The following CDH12 variants were observed in gnomAD, a reference collection of about 807,000 sequenced individuals.
The protein encoded by CDH12 is cadherin-12.
CDH12 carries 41 observed loss-of-function variants against 74.1 expected under a neutral mutation model. The ratio of observed to expected loss-of-function variants is 0.55; its 90% CI spans 0.43 to 0.72. CDH12 has a LOEUF of 0.72. Ranked by LOEUF, CDH12 falls within the 30% of genes least tolerant of loss-of-function variation. The pLI is 0.00. For synonymous variants in CDH12, 399 were observed against 355.0 expected (o/e 1.12, Z -1.39); for missense variants, 945 against 977.2 (o/e 0.97, Z 0.44).
chr5:22,202,169 C>CCCTTCCTT (rs1347338743), intron 4 of CDH12, among the ~76,000 whole-genome samples: 4 of 82,100 alleles, frequency 4.9e-5, no homozygotes, highest in African/African-American at 1.7e-4. Context: ...CTTCCTTCCT[C>CCCTTCCTT]CCTTCCTTCC....
intron 6 of CDH12, among the ~76,000 whole-genome samples, chr5:21,908,733 C>T (rs181019642): frequency 1.8e-3 from 279 of 152,242 alleles, no homozygotes; most frequent in African/African-American, 6.5e-3. Context: ...AGTGGGAAGG[C>T]GTGCTCATCT....
At chr5:21,796,643 AT>A (rs1407776073) in intron 10 of CDH12, among the ~76,000 whole-genome samples, 4 of 151,920 alleles carry the variant, frequency 2.6e-5, no homozygotes, top group South Asian at 2.1e-4. Context: ...TAAATAATCT[AT>A]TTTTTTAATT....
At chr5:22,417,495 G>A (rs1261356249) in intron 2 of CDH12, among the ~76,000 whole-genome samples, 5 of 152,114 alleles carry the variant, frequency 3.3e-5, no homozygotes, top group South Asian at 2.1e-4. Context: ...ATGGGATGAC[G>A]TAGCAAGAAG....
intron 1 of CDH12, among the ~76,000 whole-genome samples, chr5:22,571,936 A>G (rs1580776463): frequency 6.6e-6 from 1 of 152,334 alleles, no homozygotes; most frequent in Non-Finnish European, 1.5e-5. Flanking sequence ...AGTATTTAAA[A>G]AGTTTGAAAT....
intron 1 of CDH12, among the ~76,000 whole-genome samples, chr5:22,673,503 C>T (rs1741010955): frequency 6.6e-6 from 1 of 152,044 alleles, no homozygotes; most frequent in Non-Finnish European, 1.5e-5. Flanking sequence ...ATTTTGTATC[C>T]TGGAGCAATC....
chr5:22,528,100 T>C (rs1018583557), intron 1 of CDH12, among the ~76,000 whole-genome samples: 1 of 152,134 alleles, frequency 6.6e-6, no homozygotes, highest in African/African-American at 2.4e-5. Flanking sequence ...TAGGGCCCTG[T>C]ATAGAATTCA....
At chr5:22,378,041 C>A (rs74809890) in intron 3 of CDH12, among the ~76,000 whole-genome samples, 1 of 151,988 alleles carries the variant, frequency 6.6e-6, no homozygotes, top group African/African-American at 2.4e-5. Flanking sequence ...TGAATAATAA[C>A]GTGTTTTTTT....
chr5:22,326,722 G>C (rs564373940), intron 3 of CDH12, among the ~76,000 whole-genome samples: 4 of 152,270 alleles, frequency 2.6e-5, no homozygotes, highest in South Asian at 4.1e-4. Context: ...ATAAAATCCT[G>C]TCAAATTCTG....
At chr5:22,606,684 C>A (rs1580810904) in intron 1 of CDH12, among the ~76,000 whole-genome samples, 1 of 152,238 alleles carries the variant, frequency 6.6e-6, no homozygotes. Context: ...CAGTCTTGGG[C>A]AGTTCTTTAT....
chr5:22,563,515 C>G (rs1452587478), intron 1 of CDH12, among the ~76,000 whole-genome samples: 2 of 152,080 alleles, frequency 1.3e-5, no homozygotes, highest in Non-Finnish European at 2.9e-5. Flanking sequence ...TATTTTCTCC[C>G]ATTCTGTAGG....
In CDH12 at chr5:21,975,398, G is replaced by C. The variant is rs1011670584; in HGVS notation, c.232-13C>G. 3.2e-6 allele frequency: 5 copies of C among 1,557,514 alleles called. No homozygotes were observed. Among genetic ancestry groups the C allele is most frequent in the Non-Finnish European group, 3.4e-6 (4 of 1,159,840 alleles). On this transcript the variant is annotated splice_polypyrimidine_tract_variant and intron_variant, in intron 5 of 14. Coordinates refer to ENST00000382254, the MANE Select transcript of CDH12 (RefSeq NM_004061.5). ...AGTCGGAATGGAGCTTTAGGGAAGA[G>C]AAGGAGAGAGAGAGGAAGAGAAAGA...
chr5:22,696,268 G>A (rs1292794342), intron 1 of CDH12, among the ~76,000 whole-genome samples: 4 of 151,312 alleles, frequency 2.6e-5, no homozygotes, highest in African/African-American at 4.9e-5. Context: ...CTACTCAGGA[G>A]GCTAAGGCAG....
intron 8 of CDH12, among the ~76,000 whole-genome samples, chr5:21,817,867 T>G (rs955740282): frequency 6.6e-6 from 1 of 151,992 alleles, no homozygotes; most frequent in Non-Finnish European, 1.5e-5. Flanking sequence ...GTGGAGCGTT[T>G]ATATTACTAT....
chr5:22,578,552 G>A (rs1173830566), intron 1 of CDH12, among the ~76,000 whole-genome samples: 1 of 152,106 alleles, frequency 6.6e-6, no homozygotes, highest in African/African-American at 2.4e-5. Flanking sequence ...TCAGCAAAGG[G>A]AATCTGACTA....
At chr5:21,911,109 A>G (rs530542194) in intron 6 of CDH12, among the ~76,000 whole-genome samples, 2 of 152,320 alleles carry the variant, frequency 1.3e-5, no homozygotes, top group East Asian at 1.9e-4. Flanking sequence ...AAAGCATTAA[A>G]TGTACTTTCT....
intron 1 of CDH12, among the ~76,000 whole-genome samples, chr5:22,779,556 T>G (rs1747280605): frequency 6.6e-6 from 1 of 152,204 alleles, no homozygotes; most frequent in African/African-American, 2.4e-5. Flanking sequence ...TCTAGAAATT[T>G]AATCCCCATA....
intron 1 of CDH12, among the ~76,000 whole-genome samples, chr5:22,718,369 G>A (rs138638370): frequency 7.4e-4 from 113 of 152,260 alleles, no homozygotes; most frequent in Middle Eastern, 6.8e-3. Context: ...TGTGAAAAAG[G>A]TGCCTGACAT....
intron 1 of CDH12, among the ~76,000 whole-genome samples, chr5:22,684,182 T>C (rs1370013623): frequency 5.3e-5 from 8 of 152,152 alleles, no homozygotes; most frequent in Non-Finnish European, 1.0e-4. Flanking sequence ...TTTTTGAGGG[T>C]ACATAGTAGG....
intron 4 of CDH12, among the ~76,000 whole-genome samples, chr5:22,153,921 C>T (rs1233946391): frequency 7.0e-6 from 1 of 143,534 alleles, no homozygotes; most frequent in African/African-American, 2.6e-5. Context: ...CATACACACA[C>T]ACACACAAAC....
Sources: allele counts gnomAD v4.1 joint callset (sites outside exome capture counted in the v4.1 genomes callset), GRCh38; gene constraint gnomAD v4.1.1; transcripts MANE v1.5; gene names NCBI Gene and HGNC (gene_info 2026-07-23, HGNC 2026-07-21).